The following INF2 variants were observed in gnomAD, a reference collection of about 807,000 sequenced individuals.
The protein encoded by INF2 is inverted formin 2.
INF2 carries 43 observed loss-of-function variants against 123.5 expected under a neutral mutation model. That is an observed-to-expected ratio of 0.35 (90% CI 0.27 to 0.45). The LOEUF (loss-of-function observed/expected upper bound fraction) is 0.45. INF2 is among the 20% of genes least tolerant of loss of function. INF2 has a pLI of 1.00. For missense variants in INF2, 1,453 were observed against 1,682.7 expected, an observed-to-expected ratio of 0.86 and a Z score of 2.39; for synonymous variants, 851 against 745.0, an observed-to-expected ratio of 1.14 and a Z score of -2.32.
At position 104,684,384 on chromosome 14, in the gene INF2, A is replaced by C; in HGVS notation, c.-104+2802A>C. 3.3e-6 allele frequency: 1 copy of C among 300,418 alleles called. No homozygotes were observed. Among genetic ancestry groups the C allele is most frequent in the South Asian group, 3.0e-5 (1 of 33,442 alleles). 18.6% of individuals were successfully genotyped at this position (300,418 alleles called of 1,614,324 possible). Reference sequence around the variant, plus strand: ...GCCTCTGCACCTCAGCTTTCAGCGGATAGGTTTGTGCAACGAAATATTTCA... The same window carrying C: ...GCCTCTGCACCTCAGCTTTCAGCGGCTAGGTTTGTGCAACGAAATATTTCA... On this transcript the variant is annotated intron_variant, in intron 1 of 2. Coordinates refer to the INF2 transcript ENST00000674723. This position sits in a 1 kb window ranked among gnomAD's most constrained non-coding sequence, Gnocchi z 5.0.
At position 104,709,748 on chromosome 14, in the gene INF2, T is replaced by G. The variant is rs772271085; in HGVS notation, c.2138+43T>G. The G allele has an allele frequency of 1.9e-5, 30 of 1,549,990 alleles. No individual in the cohort carries two copies. In the South Asian group the frequency reaches 3.2e-4, roughly 17 times the overall value. ...CAGACCCCAGGGCCTGGGCCCCAGG[T>G]GGGAGGAGAGCAGGAATAGGGAGCA... is the stretch of plus-strand genomic sequence containing the variant. On this transcript the variant is annotated intron_variant, in intron 12 of 22. Coordinates refer to ENST00000392634, the MANE Select transcript of INF2 (RefSeq NM_022489.4).
chr14:104,688,190 G>C (rs1353537574), upstream of INF2, among the ~76,000 whole-genome samples: 1 of 152,236 alleles, frequency 6.6e-6, no homozygotes, highest in Non-Finnish European at 1.5e-5. Context: ...TCCAGTGAGC[G>C]CCTGCCTTGG....
At chr14:104,712,359 G>T in intron 16 of INF2, 74 bp from the exon 17 acceptor site, 1 of 1,598,180 alleles carries the variant, frequency 6.3e-7, no homozygotes, top group Non-Finnish European at 8.5e-7. Flanking sequence ...GGGGGTGCAG[G>T]GGAGGGGCTC....
chr14:104,707,502 G>A lies in INF2; in HGVS notation c.1235G>A (p.Arg412Lys). The change falls in exon 8 of 23, where the codon AGA becomes AAA. Residue 412 changes from arginine to lysine, a missense_variant. This residue lies in a region of INF2 where 374 missense variants were observed against 303.7 expected (regional missense o/e 1.23). Transcript: ENST00000392634. ...AGCATCCTGAAAGTTTCGCAGCCCAGAGCCCTGGAGCAGCAGGCGTCCACC... is the reference window on the plus strand; with the variant it reads ...AGCATCCTGAAAGTTTCGCAGCCCAAAGCCCTGGAGCAGCAGGCGTCCACC... Reference protein sequence around the residue: ...SESILKVSQPRALEQQASTPP... With the variant: ...SESILKVSQPKALEQQASTPP... 6.5e-7 allele frequency: 1 copy of A among 1,547,970 alleles called. No individual in the cohort carries two copies. Among genetic ancestry groups the A allele is most frequent in the Admixed American group, 2.0e-5 (1 of 50,984 alleles).
At chr14:104,709,093 G>A (rs1257281098) in intron 10 of INF2, among the ~76,000 whole-genome samples, 188 bp from the exon 11 acceptor site, 9 of 152,280 alleles carry the variant, frequency 5.9e-5, no homozygotes, top group South Asian at 4.1e-4. Context: ...GGAGGGTAGC[G>A]AGGGTGGGAG....
Position 104,714,770 on chromosome 14 carries a change from G to T in INF2, c.3608G>T (p.Gly1203Val), listed in dbSNP as rs1890213511. The change falls in exon 21 of 23, where the codon GGG (glycine) becomes GTG (valine). Residue 1203 changes from glycine (G) to valine (V), a missense_variant. Around this residue, in one of 8 missense-constraint regions of INF2, gnomAD observed 344 missense variants for 333.1 expected, o/e 1.03. Coordinates refer to ENST00000392634, the MANE Select transcript of INF2 (RefSeq NM_022489.4). ...FSEDAVTDSS[G>V]SGTLPRARGR... The stretch of plus-strand genomic sequence containing the variant: ...GAGGATGCGGTGACCGACTCCTCGG[G>T]GTCGGGCACACTCCCCAGGGCCCGG... 1.3e-6 allele frequency: 2 copies of T among 1,599,674 alleles called. No homozygotes were observed. Among genetic ancestry groups the T allele is most frequent in the African/African-American group, 2.7e-5 (2 of 74,408 alleles).
chr14:104,709,840 G>T, intron 12 of INF2, 135 bp downstream of exon 12: 1 of 802,984 alleles, frequency 1.2e-6, no homozygotes, highest in Non-Finnish European at 2.1e-6. Context: ...CAGCATTGCA[G>T]CGGTTGGGCT....
intron 22 of INF2, among the ~76,000 whole-genome samples, chr14:104,718,112 G>A (rs1890399978): frequency 6.6e-6 from 1 of 152,254 alleles, no homozygotes; most frequent in Admixed American, 6.5e-5. Context: ...CCTCCTTTGA[G>A]TGATTGTTTT....
In INF2 at chr14:104,712,446, A is replaced by G; in HGVS notation, c.2503A>G (p.Ile835Val). 6.2e-7 allele frequency: 1 copy of G among 1,612,572 alleles called. No homozygotes were observed. Among genetic ancestry groups the G allele is most frequent in the Non-Finnish European group, 8.5e-7 (1 of 1,179,788 alleles). Reference sequence around the variant, plus strand: ...CTCACCTTTCAGGATCAACCTGGAGATCATCCGCTCAGAGGCCAGCTCCAA... The same window carrying G: ...CTCACCTTTCAGGATCAACCTGGAGGTCATCCGCTCAGAGGCCAGCTCCAA... ...PSQAAGINLE[I>V]IRSEASSNLK... Residue 835 changes from isoleucine to valine, a missense_variant, in exon 17 of 23, where the codon ATC (isoleucine) becomes GTC (valine). Coordinates refer to ENST00000392634, the MANE Select transcript of INF2 (RefSeq NM_022489.4).
At chr14:104,693,077 C>T (rs1028126748) in intron 1 of INF2, among the ~76,000 whole-genome samples, 7 of 152,226 alleles carry the variant, frequency 4.6e-5, no homozygotes, top group African/African-American at 1.4e-4. Context: ...GAGGCCTGGC[C>T]AGGCTCCTGG....
Position 104,703,564 on chromosome 14 carries a change from C to T in INF2, c.667+110C>T. 1.3e-5 allele frequency: 19 copies of T among 1,429,002 alleles called. No homozygotes were observed. The South Asian group carries it at 2.1e-4, about 16-fold the overall frequency. 88.5% of individuals were successfully genotyped at this position (1,429,002 alleles called of 1,614,324 possible). On this transcript the variant is annotated intron_variant, in intron 4 of 22. Transcript: ENST00000392634. ...GAGCGCCACAAAAGCTGCCCCCGACCCAGGGCCCCAGAGGAAGGCGCCATC... is the reference window on the plus strand; with the variant it reads ...GAGCGCCACAAAAGCTGCCCCCGACTCAGGGCCCCAGAGGAAGGCGCCATC...
At position 104,707,766 on chromosome 14, in the gene INF2, C is replaced by G; in HGVS notation, c.1499C>G (p.Pro500Arg). ...CCACCACTCCCGGGCTTGGGATGCC[C>G]GCCCCCACCCCCACCCCTGCTGCCT... ...PPPPLPGLGCPPPPPPLLPGM... is the reference protein window; with the variant it reads ...PPPPLPGLGCRPPPPPLLPGM... The change falls in exon 8 of 23, where the codon CCG becomes CGG. Residue 500 changes from proline to arginine, a missense_variant. Around this residue, in one of 8 missense-constraint regions of INF2, gnomAD observed 374 missense variants for 303.7 expected, o/e 1.23. Transcript: ENST00000392634. 7.6e-7 allele frequency: 1 copy of G among 1,314,480 alleles called. No individual in the cohort carries two copies. Among genetic ancestry groups the G allele is most frequent in the Non-Finnish European group, 1.1e-6 (1 of 944,156 alleles). 81.4% of individuals were successfully genotyped at this position (1,314,480 alleles called of 1,614,324 possible).
chr14:104,690,800 G>A (rs1888907073), intron 1 of INF2: 1 of 152,272 alleles, frequency 6.6e-6, no homozygotes, highest in Non-Finnish European at 1.5e-5. Context: ...CACTGGGAAG[G>A]TGGGGTCCCA....
intron 1 of INF2, among the ~76,000 whole-genome samples, chr14:104,698,979 C>A (rs1330413461): frequency 6.6e-6 from 1 of 152,210 alleles, no homozygotes; most frequent in Non-Finnish European, 1.5e-5. Flanking sequence ...GGCCAGTTTC[C>A]TCCCACCGTG....
In INF2 at chr14:104,710,962, C is replaced by T; in HGVS notation, c.2265C>T (p.Pro755=). 1.2e-6 allele frequency: 2 copies of T among 1,612,476 alleles called. No homozygotes were observed. Among genetic ancestry groups the T allele is most frequent in the Non-Finnish European group, 1.7e-6 (2 of 1,179,766 alleles). The change falls in exon 14 of 23, where the codon CCC becomes CCT. Residue 755 remains proline (P), a synonymous_variant. Coordinates refer to ENST00000392634, the MANE Select transcript of INF2 (RefSeq NM_022489.4). ...CESLLTSRQL[P]IFCQLILRIG... is the part of the protein sequence containing the mutation. ...GCCTGCTCACCAGCCGCCAGCTGCC[C>T]ATCTTCTGCCAGCTGATCCTGAGAA...
intron 22 of INF2, among the ~76,000 whole-genome samples, chr14:104,718,415 G>C (rs1432709639): frequency 2.0e-5 from 3 of 152,186 alleles, no homozygotes; most frequent in Non-Finnish European, 4.4e-5. Context: ...GTGGGGCCCA[G>C]GGCCCGACGT....
Position 104,707,385 on chromosome 14 carries a change from C to G in INF2, c.1118C>G (p.Pro373Arg). The G allele has an allele frequency of 6.3e-7, 1 of 1,591,846 alleles. No individual in the cohort carries two copies. The highest frequency in any genetic ancestry group is 8.5e-7 in the Non-Finnish European group (1 of 1,170,640). Residue 373 changes from proline to arginine, a missense_variant, in exon 8 of 23, where the codon CCG (proline) becomes CGG (arginine). Pro to Arg is a moderately radical substitution (Grantham distance 103). Transcript: ENST00000392634. ...GACCAGAGCCAGAGGGGCAGCTCCC[C>G]GCAAAACACTACAACCCCCAAGCCC... is the stretch of plus-strand genomic sequence containing the variant. ...NLDQSQRGSS[P>R]QNTTTPKPSV... is the part of the protein sequence containing the mutation.
At chr14:104,692,116 A>G (rs1005486954) in intron 1 of INF2, among the ~76,000 whole-genome samples, 5 of 151,998 alleles carry the variant, frequency 3.3e-5, no homozygotes, top group African/African-American at 1.2e-4. Flanking sequence ...CTGTCCACTC[A>G]CCATTCACGC....
chr14:104,699,690 T>C lies in INF2; in HGVS notation c.-9-1667T>C, dbSNP rs142422174. On this transcript the variant is annotated intron_variant, in intron 1 of 22. Transcript: ENST00000392634. The surrounding 1 kb of genome is among the most constrained non-coding windows in gnomAD (Gnocchi z 4.7). ...ACCGGGGGCTCCGGGCTCTCCGTTC[T>C]ACAGTGCCCAGACCAGGACCCCCTG... The C allele has an allele frequency of 6.4e-5, 44 of 685,260 alleles. No individual in the cohort carries two copies. In the African/African-American group the frequency reaches 8.2e-4, roughly 13 times the overall value. The allele number at this position is 685,260 out of a possible 1,614,324, so 42.4% of individuals were successfully genotyped here. A position where few individuals can be genotyped will look rare whatever the true frequency, so the allele number is the denominator to read the frequency against.
Sources: gnomAD v4.1 joint callset for allele counts (sites outside exome capture counted in the v4.1 genomes callset) on GRCh38, gnomAD v4.1.1 for gene constraint, gnomAD v4.1.1 regional missense constraint, Gnocchi (gnomAD v3.1) non-coding constraint, MANE v1.5 for transcripts, NCBI Gene and HGNC (gene_info 2026-07-23, HGNC 2026-07-21) for gene names.